MYT1: variants seen among roughly 807,000 people sequenced by gnomAD.
MYT1 encodes the protein myelin transcription factor 1.
MYT1 carries 23 observed loss-of-function variants against 123.0 expected under a neutral mutation model. The ratio of observed to expected loss-of-function variants is 0.19; its 90% CI spans 0.13 to 0.26. The LOEUF (loss-of-function observed/expected upper bound fraction) is 0.26. Among genes scored for constraint, MYT1 ranks in the 10% least tolerant of loss-of-function variants. The probability of loss-of-function intolerance (pLI) is 1.00; values close to 1 mark genes in which losing one functional copy is unlikely to be tolerated. For synonymous variants in MYT1, 518 were observed against 575.3 expected (o/e 0.90, Z 1.43); for missense variants, 1,125 against 1,472.5 (o/e 0.76, Z 3.86).
chr20:64,213,530 C>G lies in MYT1; in HGVS notation c.1518-4C>G. ...TCAGAAACCCCTCCTCTTCCTTCCT[C>G]TAGTTTGTCTGGGTGTCCCATTGCT... On this transcript the variant is annotated splice_polypyrimidine_tract_variant and splice_region_variant and intron_variant, in intron 9 of 22. Coordinates refer to ENST00000328439, the MANE Select transcript of MYT1 (RefSeq NM_004535.3). The surrounding 1 kb of genome is among the most constrained non-coding windows in gnomAD (Gnocchi z 5.6). 6.2e-7 allele frequency: 1 copy of G among 1,613,258 alleles called. No individual in the cohort carries two copies. Among genetic ancestry groups the G allele is most frequent in the African/African-American group, 1.3e-5 (1 of 75,014 alleles).
At chr20:64,181,657 G>C (rs886375551) in intron 1 of MYT1, among the ~76,000 whole-genome samples, 1 of 152,144 alleles carries the variant, frequency 6.6e-6, no homozygotes, top group African/African-American at 2.4e-5. Flanking sequence ...CACACTGTTA[G>C]TCGAGGGAGC....
At chr20:64,219,251 G>A (rs1005223993) in intron 12 of MYT1, among the ~76,000 whole-genome samples, 1 of 152,224 alleles carries the variant, frequency 6.6e-6, no homozygotes, top group Non-Finnish European at 1.5e-5. Context: ...AGTGAAGGGG[G>A]ACCAAGGGCT....
chr20:64,198,281 C>T (rs1335693528), intron 2 of MYT1, among the ~76,000 whole-genome samples: 4 of 108,538 alleles, frequency 3.7e-5, no homozygotes, highest in African/African-American at 1.4e-4. Context: ...AGCGAGACTC[C>T]GTCTCAAAAA....
At chr20:64,176,843 C>T (rs1171068528) in intron 1 of MYT1, among the ~76,000 whole-genome samples, 2 of 152,204 alleles carry the variant, frequency 1.3e-5, no homozygotes, top group Non-Finnish European at 1.5e-5. Context: ...ACACTCCTCC[C>T]CTGTTGGCAG....
rs1984347310 is a variant in MYT1, at chr20:64,232,382, G to A, written c.2894G>A (p.Arg965Gln). The A allele has an allele frequency of 4.3e-6, 7 of 1,612,814 alleles. No individual in the cohort carries two copies. Among genetic ancestry groups the A allele is most frequent in the Non-Finnish European group, 5.9e-6 (7 of 1,179,840 alleles). ...GHANGSFLTHRSLSGCPRATF... is the reference protein window; with the variant it reads ...GHANGSFLTHQSLSGCPRATF... ...GCCAATGGGAGTTTCCTCACCCACCGGAGGTAACTGTGCCTGCAGGTCCTG... is the reference window on the plus strand; with the variant it reads ...GCCAATGGGAGTTTCCTCACCCACCAGAGGTAACTGTGCCTGCAGGTCCTG... Residue 965 changes from arginine (R) to glutamine (Q), a missense_variant, in exon 19 of 23, where the codon CGG becomes CAG. Transcript: ENST00000328439. The surrounding 1 kb of genome is among the most constrained non-coding windows in gnomAD (Gnocchi z 6.9).
chr20:64,182,004 C>G (rs1254089128), intron 1 of MYT1, among the ~76,000 whole-genome samples: 1 of 152,190 alleles, frequency 6.6e-6, no homozygotes, highest in Non-Finnish European at 1.5e-5. Context: ...CAGGAGTCTA[C>G]TGTGACCTGT....
rs536170705 is a variant in MYT1 at position 64,168,656 on chromosome 20, T to C, written c.-99+3917T>C. Among the ~76,000 whole-genome samples the C allele has an allele frequency of 1.3e-5, 2 of 152,344 alleles. No homozygotes were observed. Among genetic ancestry groups the C allele is most frequent in the East Asian group, 3.9e-4 (2 of 5,184 alleles). Reference sequence around the variant, plus strand: ...AACCTTCAAGAGAGTGACTTTGTGCTCTGGCAACTGAGTGTGTGGTTTGCC... The same window carrying C: ...AACCTTCAAGAGAGTGACTTTGTGCCCTGGCAACTGAGTGTGTGGTTTGCC... On this transcript the variant is annotated intron_variant, in intron 1 of 22. Transcript: ENST00000328439. The surrounding 1 kb of genome is among the most constrained non-coding windows in gnomAD (Gnocchi z 6.1).
At chr20:64,237,493 C>A in intron 21 of MYT1, 103 bp downstream of exon 21, 1 of 870,998 alleles carries the variant, frequency 1.1e-6, no homozygotes, top group Non-Finnish European at 1.8e-6. Flanking sequence ...AGGTTGCTGT[C>A]AGGGCTGAGC....
At position 64,240,314 on chromosome 20, in the gene MYT1, C is replaced by G. The variant is rs1391800850; in HGVS notation, c.3238-6C>G. On this transcript the variant is annotated splice_polypyrimidine_tract_variant and splice_region_variant and intron_variant, in intron 22 of 22. Transcript: ENST00000328439. ...CGGAGCTTGCTAACCTGGTTCTGTT[C>G]TCTAGGAGCCAATATGCGAACAGAA... 6.2e-7 allele frequency: 1 copy of G among 1,613,194 alleles called. No homozygotes were observed. Among genetic ancestry groups the G allele is most frequent in the South Asian group, 1.1e-5 (1 of 90,994 alleles).
intron 16 of MYT1, among the ~76,000 whole-genome samples, chr20:64,226,870 G>T (rs1984183006): frequency 6.6e-6 from 1 of 152,256 alleles, no homozygotes; most frequent in Non-Finnish European, 1.5e-5. Context: ...AGCGCCATCT[G>T]CTCTGCAGCA....
At position 64,213,842 on chromosome 20, in the gene MYT1, C is replaced by T. The variant is rs1311486119; in HGVS notation, c.1631+195C>T. ...GCAGAACTGCGGGGCAGTTTTGGAGCCACACAGGACAGAGTCTCATGTCTA... is the reference window on the plus strand; with the variant it reads ...GCAGAACTGCGGGGCAGTTTTGGAGTCACACAGGACAGAGTCTCATGTCTA... On this transcript the variant is annotated intron_variant, in intron 10 of 22. Coordinates refer to ENST00000328439, the MANE Select transcript of MYT1 (RefSeq NM_004535.3). This position sits in a 1 kb window ranked among gnomAD's most constrained non-coding sequence, Gnocchi z 5.6. 6.6e-6 allele frequency among the ~76,000 whole-genome samples: 1 copy of T among 152,190 alleles called. No individual in the cohort carries two copies. The highest frequency in any genetic ancestry group is 1.5e-5 in the Non-Finnish European group (1 of 68,032).
chr20:64,181,810 G>A (rs1407893466), intron 1 of MYT1, among the ~76,000 whole-genome samples: 5 of 152,204 alleles, frequency 3.3e-5, no homozygotes, highest in Non-Finnish European at 1.5e-5. Context: ...ACTTTGAGAG[G>A]CAGATGCTGG....
intron 10 of MYT1, among the ~76,000 whole-genome samples, chr20:64,214,367 G>GT (rs2145721110): frequency 6.6e-6 from 1 of 152,324 alleles, no homozygotes; most frequent in Admixed American, 6.5e-5. Flanking sequence ...GTGCGAGTAT[G>GT]TTTACATGTG....
At chr20:64,199,349 C>T (rs1192118890) in intron 3 of MYT1, among the ~76,000 whole-genome samples, 1 of 152,182 alleles carries the variant, frequency 6.6e-6, no homozygotes, top group Non-Finnish European at 1.5e-5. Flanking sequence ...ATCTGAGCCC[C>T]AACCCCTGGC....
intron 1 of MYT1, among the ~76,000 whole-genome samples, chr20:64,178,384 G>A (rs1362172849): frequency 1.3e-5 from 2 of 152,230 alleles, no homozygotes; most frequent in Non-Finnish European, 2.9e-5. Flanking sequence ...TCAGAACCAC[G>A]TGCTGTGCGT....
Position 64,185,057 on chromosome 20 carries a change from G to A in MYT1, c.-98-5006G>A, listed in dbSNP as rs1982759993. 6.6e-6 allele frequency among the ~76,000 whole-genome samples: 1 copy of A among 152,192 alleles called. No homozygotes were observed. Among genetic ancestry groups the A allele is most frequent in the African/African-American group, 2.4e-5 (1 of 41,438 alleles). The stretch of plus-strand genomic sequence containing the variant: ...TGTGGGTGGAGGCCAACTGTGGTGG[G>A]GAGTGAAGCGTAGTTATGAAGCAGG... On this transcript the variant is annotated intron_variant, in intron 1 of 22. Coordinates refer to ENST00000328439, the MANE Select transcript of MYT1 (RefSeq NM_004535.3). This position sits in a 1 kb window ranked among gnomAD's most constrained non-coding sequence, Gnocchi z 4.5.
intron 5 of MYT1, 61 bp downstream of exon 5, chr20:64,205,158 C>T (rs1983447843): frequency 4.5e-6 from 7 of 1,567,588 alleles, no homozygotes; most frequent in Non-Finnish European, 6.1e-6. Flanking sequence ...CCCCTGCCCA[C>T]TCTGCAGATG....
chr20:64,164,749 C>A lies in MYT1; in HGVS notation c.-99+10C>A, dbSNP rs1392595001. On this transcript the variant is annotated intron_variant, in intron 1 of 22. Transcript: ENST00000328439. ...ATAGCTGTGGGGAAAGGTAAGTCAACGTTACGTTCTTTCTGACAAAGGCAG... is the reference window on the plus strand; with the variant it reads ...ATAGCTGTGGGGAAAGGTAAGTCAAAGTTACGTTCTTTCTGACAAAGGCAG... 1 of 152,078 alleles carries A rather than the reference C, an allele frequency of 6.6e-6. No homozygotes were observed. Among genetic ancestry groups the A allele is most frequent in the African/African-American group, 2.4e-5 (1 of 41,402 alleles). 9.4% of individuals were successfully genotyped at this position (152,078 alleles called of 1,614,324 possible). A position where few individuals can be genotyped will look rare whatever the true frequency, so the allele number is the denominator to read the frequency against.
intron 8 of MYT1, 71 bp from the exon 9 acceptor site, chr20:64,211,977 C>A: frequency 1.5e-6 from 2 of 1,312,664 alleles, no homozygotes; most frequent in Admixed American, 1.7e-5. Context: ...TCAGCCTGTG[C>A]TCCCCACACA....
Sources: gnomAD v4.1 joint callset for allele counts (sites outside exome capture counted in the v4.1 genomes callset) on GRCh38, gnomAD v4.1.1 for gene constraint, Gnocchi (gnomAD v3.1) non-coding constraint, MANE v1.5 for transcripts, NCBI Gene and HGNC (gene_info 2026-07-23, HGNC 2026-07-21) for gene names.